NEK10: variants seen among roughly 807,000 people sequenced by gnomAD.
NEK10 encodes the protein NIMA related kinase 10, also known as serine/threonine-protein kinase Nek10.
NEK10 carries 122 observed loss-of-function variants against 159.8 expected under a neutral mutation model. That is an observed-to-expected ratio of 0.76 (90% CI 0.66 to 0.89). The LOEUF (loss-of-function observed/expected upper bound fraction) is 0.89. Ranked by LOEUF, NEK10 falls within the 40% of genes least tolerant of loss-of-function variation. NEK10 has a pLI of 0.00. For missense variants in NEK10, 1,342 were observed against 1,323.1 expected (o/e 1.01, Z -0.22); for synonymous variants, 466 against 457.1 (o/e 1.02, Z -0.25).
At chr3:27,345,972 C>A (rs2370957) in intron 4 of NEK10, 114 bp downstream of exon 4, 684,574 of 924,868 alleles carry the variant, frequency 0.74, 254,284 homozygotes, top group East Asian at 0.87. Flanking sequence ...TTAAGAATCG[C>A]TATGGTAAAT....
At position 27,191,999 on chromosome 3, in the gene NEK10, T is replaced by A. The variant is rs1446270229; in HGVS notation, c.2505+30A>T. On this transcript the variant is annotated intron_variant, in intron 26 of 35. Coordinates refer to ENST00000691995, the MANE Select transcript of NEK10 (RefSeq NM_001394966.1). ...ACTTCAGACAGCCCATTAGAGTGCA[T>A]CATGAACCGATTGAAATATTTGCAC... The A allele has an allele frequency of 1.9e-6, 3 of 1,595,344 alleles. No homozygotes were observed. In the Admixed American group the frequency reaches 5.0e-5, roughly 27 times the overall value.
At chr3:27,264,809 A>G (rs1475231209) in intron 22 of NEK10, among the ~76,000 whole-genome samples, 1 of 152,042 alleles carries the variant, frequency 6.6e-6, no homozygotes. Flanking sequence ...CAGGGGAATC[A>G]CTGGAACCCG....
Position 27,173,404 on chromosome 3 carries a change from GT to G in NEK10, c.2776+1034del, listed in dbSNP as rs1229224706. On this transcript the variant is annotated intron_variant, in intron 28 of 35. Transcript: ENST00000691995. The stretch of plus-strand genomic sequence containing the variant: ...ACTTCTTCTGGAATTTGTTATACAT[GT>G]TTATATGCATAAATATTTTTTCCCA... Among the ~76,000 whole-genome samples, 26 of 152,210 alleles carry G rather than the reference GT, an allele frequency of 1.7e-4. No individual in the cohort carries two copies. The East Asian group carries it at 4.4e-3, about 26-fold the overall frequency.
At chr3:27,162,218 C>T (rs966292223) in intron 30 of NEK10, 12 of 548,624 alleles carry the variant, frequency 2.2e-5, no homozygotes, top group Non-Finnish European at 3.6e-5. Context: ...GTTAACATTC[C>T]CGCCACGGCA....
chr3:27,229,792 C>T (rs932363900), intron 23 of NEK10, among the ~76,000 whole-genome samples: 1 of 151,924 alleles, frequency 6.6e-6, no homozygotes, highest in African/African-American at 2.4e-5. Flanking sequence ...AAAGAAAAGG[C>T]TTTCAAATTA....
At chr3:27,197,258 C>T (rs1949640021) in intron 25 of NEK10, among the ~76,000 whole-genome samples, 1 of 152,080 alleles carries the variant, frequency 6.6e-6, no homozygotes, top group Non-Finnish European at 1.5e-5. Context: ...TCATTGCAAC[C>T]TCCACTTCCC....
chr3:27,164,865 A>C (rs143352759), intron 29 of NEK10, among the ~76,000 whole-genome samples: 35 of 152,372 alleles, frequency 2.3e-4, no homozygotes, highest in African/African-American at 8.2e-4. Context: ...TGAGTTTGCA[A>C]GATGACTATT....
At chr3:27,152,674 A>T (rs11129266) in intron 30 of NEK10, among the ~76,000 whole-genome samples, 55,246 of 152,078 alleles carry the variant, frequency 0.36, 12,289 homozygotes, top group East Asian at 0.75. Flanking sequence ...TTCAATACTA[A>T]CATTGAATGT....
intron 23 of NEK10, among the ~76,000 whole-genome samples, chr3:27,235,790 T>G (rs1265616098): frequency 6.6e-6 from 1 of 152,174 alleles, no homozygotes; most frequent in Non-Finnish European, 1.5e-5. Context: ...GAAATTGTTC[T>G]ATTATAAAGA....
intron 30 of NEK10, among the ~76,000 whole-genome samples, chr3:27,157,114 T>C (rs1575038588): frequency 2.0e-5 from 3 of 151,118 alleles, no homozygotes; most frequent in South Asian, 4.2e-4. Flanking sequence ...CTCACTGATA[T>C]GTGGGAGCTA....
intron 29 of NEK10, among the ~76,000 whole-genome samples, chr3:27,167,963 T>C (rs1197690146): frequency 6.6e-6 from 1 of 152,168 alleles, no homozygotes; most frequent in Non-Finnish European, 1.5e-5. Flanking sequence ...TCCTAAGTTA[T>C]TAGGGAGTTA....
chr3:27,206,193 C>G (rs769578876), intron 23 of NEK10, among the ~76,000 whole-genome samples: 3 of 152,026 alleles, frequency 2.0e-5, no homozygotes, highest in Non-Finnish European at 4.4e-5. Flanking sequence ...AGCAGACTTT[C>G]CTCTTGAAAC....
intron 5 of NEK10, among the ~76,000 whole-genome samples, chr3:27,324,886 C>T (rs1402313980): frequency 6.6e-6 from 1 of 152,188 alleles, no homozygotes; most frequent in Non-Finnish European, 1.5e-5. Flanking sequence ...GCCCCTTGTT[C>T]ACTCCCTCCC....
chr3:27,229,885 C>G (rs1953048607), intron 23 of NEK10, among the ~76,000 whole-genome samples: 1 of 152,002 alleles, frequency 6.6e-6, no homozygotes, highest in South Asian at 2.1e-4. Context: ...ATAAAACAGT[C>G]AAACTCAAGA....
At chr3:27,362,704 G>T (rs114535403) in intron 1 of NEK10, among the ~76,000 whole-genome samples, 266 of 151,744 alleles carry the variant, frequency 1.8e-3, no homozygotes, top group African/African-American at 5.0e-3. Flanking sequence ...CTTTGGCATG[G>T]ACGTCAGAAA....
chr3:27,347,619 T>C (rs901433119), intron 3 of NEK10, among the ~76,000 whole-genome samples: 8 of 152,080 alleles, frequency 5.3e-5, no homozygotes, highest in Middle Eastern at 3.4e-3. Flanking sequence ...CATTGTTTAA[T>C]AGTTAACAAA....
At chr3:27,119,204 G>A (rs552720706) in intron 33 of NEK10, among the ~76,000 whole-genome samples, 1 of 152,244 alleles carries the variant, frequency 6.6e-6, no homozygotes, top group South Asian at 2.1e-4. Context: ...CAAGGAAACT[G>A]GGGTTCAGAG....
At chr3:27,178,205 GATCATAAT>G (rs1947720603) in intron 26 of NEK10, among the ~76,000 whole-genome samples, 1 of 152,180 alleles carries the variant, frequency 6.6e-6, no homozygotes, top group South Asian at 2.1e-4. Context: ...GTGTGCAGCA[GATCATAAT>G]ACATTTTCAG....
At chr3:27,174,279 C>A (rs1465854609) in intron 28 of NEK10, 160 bp downstream of exon 28, 10 of 580,264 alleles carry the variant, frequency 1.7e-5, no homozygotes, top group African/African-American at 4.1e-5. Context: ...AACCTTTGGG[C>A]TCTGTCAGAG....
Sources: gnomAD v4.1 joint callset for allele counts (sites outside exome capture counted in the v4.1 genomes callset) on GRCh38, gnomAD v4.1.1 for gene constraint, MANE v1.5 for transcripts, NCBI Gene and HGNC (gene_info 2026-07-23, HGNC 2026-07-21) for gene names.